The following MPPED1 variants were observed in gnomAD, a reference collection of about 807,000 sequenced individuals.
MPPED1 encodes metallophosphoesterase domain containing 1.
In MPPED1, 16 loss-of-function variants were observed where a neutral mutation model predicts 36.2. The observed-to-expected ratio is 0.44, with a 90% CI of 0.30 to 0.67. MPPED1 has a LOEUF of 0.67. Ranked by LOEUF, MPPED1 falls within the 30% of genes least tolerant of loss-of-function variation. MPPED1 has a pLI of 0.10. For synonymous variants in MPPED1, 199 were observed against 191.3 expected (o/e 1.04, Z -0.33); for missense variants, 307 against 453.4 (o/e 0.68, Z 2.93).
intron 2 of MPPED1, among the ~76,000 whole-genome samples, chr22:43,426,753 C>T (rs1375058119): frequency 6.6e-6 from 1 of 152,224 alleles, no homozygotes; most frequent in African/African-American, 2.4e-5. Flanking sequence ...GGCACTTGCC[C>T]AGGAAAATGC....
Position 43,412,099 on chromosome 22 carries a change from C to T in MPPED1, c.-138C>T, listed in dbSNP as rs1345236741. ...GCCTCCCTCCCGGGAGCCCCTGCCT[C>T]CCTCGGTGCGCGCTGCTGCTCGCAG... On this transcript the variant is annotated 5_prime_UTR_variant, in exon 1 of 7. Transcript: ENST00000443721. The T allele has an allele frequency of 2.3e-5, 23 of 979,504 alleles. No individual in the cohort carries two copies. Among genetic ancestry groups the T allele is most frequent in the African/African-American group, 5.3e-5 (3 of 56,562 alleles). 60.7% of individuals were successfully genotyped at this position (979,504 alleles called of 1,614,324 possible).
chr22:43,451,636 A>G (rs751639369), intron 3 of MPPED1, among the ~76,000 whole-genome samples: 1 of 152,216 alleles, frequency 6.6e-6, no homozygotes, highest in Non-Finnish European at 1.5e-5. Flanking sequence ...CTCTCAAAAT[A>G]GTCACTTTCC....
chr22:43,500,135 AATGGAGGTGGTGGGGGTG>A lies in MPPED1; in HGVS notation c.748+1786_748+1803del, dbSNP rs1569091589. Among the ~76,000 whole-genome samples the A allele has an allele frequency of 3.3e-3, 41 of 12,420 alleles. 10 individuals are homozygous for A. Among genetic ancestry groups the A allele is most frequent in the African/African-American group, 9.5e-3 (40 of 4,214 alleles). The allele number at this position is 12,420 out of a possible 152,430, so 8.1% of individuals were successfully genotyped here. ...TGATGAAGGTGGTGATGGAGGTGGT[AATGGAGGTGGTGGGGGTG>A]GTGGTGGTGATGGTGATGGAGGTGG... On this transcript the variant is annotated intron_variant, in intron 5 of 6. Transcript: ENST00000443721.
chr22:43,505,216 G>T (rs941297816), intron 6 of MPPED1, among the ~76,000 whole-genome samples: 1 of 152,114 alleles, frequency 6.6e-6, no homozygotes, highest in East Asian at 1.9e-4. Flanking sequence ...TGGTGAAGAT[G>T]ATGTCGATGA....
chr22:43,464,586 G>A (rs1263691286), intron 3 of MPPED1, among the ~76,000 whole-genome samples: 1 of 152,096 alleles, frequency 6.6e-6, no homozygotes, highest in Non-Finnish European at 1.5e-5. Flanking sequence ...CCACTTTTGT[G>A]GGGATGAGAG....
At chr22:43,472,858 C>CTTATTT (rs1931423791) in intron 3 of MPPED1, among the ~76,000 whole-genome samples, 5 of 152,282 alleles carry the variant, frequency 3.3e-5, no homozygotes, top group African/African-American at 1.2e-4. Flanking sequence ...GGGCACTGGA[C>CTTATTT]CCTTCTATTT....
At chr22:43,423,272 C>A (rs1366708632) in intron 1 of MPPED1, among the ~76,000 whole-genome samples, 1 of 152,208 alleles carries the variant, frequency 6.6e-6, no homozygotes, top group Non-Finnish European at 1.5e-5. Flanking sequence ...GAGTATGCGG[C>A]GTCCTGAAAC....
chr22:43,424,992 C>A lies in MPPED1; in HGVS notation c.7C>A (p.Arg3Ser), dbSNP rs759429599. 5.1e-5 allele frequency: 82 copies of A among 1,594,360 alleles called. No homozygotes were observed. Among genetic ancestry groups the A allele is most frequent in the Non-Finnish European group, 6.5e-5 (76 of 1,171,802 alleles). ...GGGCGGCCGGCGGAGGTCCATGTGG[C>A]GCTCTAGGTGGGATGCCAGCGTCCT... is the stretch of plus-strand genomic sequence containing the variant. MW[R>S]SRWDASVLKA... Residue 3 changes from arginine to serine, a missense_variant, in exon 2 of 7, where the codon CGC becomes AGC. Transcript: ENST00000443721.
intron 5 of MPPED1, among the ~76,000 whole-genome samples, chr22:43,500,002 CGGT>C (rs1569091456): frequency 0.01 from 29 of 2,848 alleles, no homozygotes; most frequent in African/African-American, 0.016. Context: ...ATGGAGGTGG[CGGT>C]GGTGATGGTG....
intron 3 of MPPED1, among the ~76,000 whole-genome samples, chr22:43,461,033 C>T (rs1930940578): frequency 6.6e-6 from 1 of 152,168 alleles, no homozygotes; most frequent in South Asian, 2.1e-4. Flanking sequence ...GGGGCTAGGG[C>T]TTTCCTCATT....
intron 2 of MPPED1, among the ~76,000 whole-genome samples, chr22:43,433,021 T>C (rs1160478272): frequency 2.0e-5 from 3 of 151,986 alleles, no homozygotes; most frequent in East Asian, 1.9e-4. Context: ...GCCAGGCCAG[T>C]AGCCCAGTAG....
intron 3 of MPPED1, among the ~76,000 whole-genome samples, chr22:43,456,196 G>A (rs1373799866): frequency 6.6e-6 from 1 of 152,268 alleles, no homozygotes. Flanking sequence ...GAAATGGCAA[G>A]AGTGAATGTC....
chr22:43,429,929 G>C (rs996587790), intron 2 of MPPED1, among the ~76,000 whole-genome samples: 1 of 152,182 alleles, frequency 6.6e-6, no homozygotes, highest in South Asian at 2.1e-4. Flanking sequence ...AGGAAGGACA[G>C]GTGTGGGGAT....
Position 43,505,564 on chromosome 22 carries a change from A to G in MPPED1, c.929A>G (p.Gln310Arg), listed in dbSNP as rs1471221655. ...VNASVCTVNY[Q>R]PVNPPIVIDL... ...GCGTCCGTATGCACTGTGAACTACC[A>G]GCCCGTGAACCCGCCCATAGTCATC... The change falls in exon 7 of 7, where the codon CAG becomes CGG. Residue 310 changes from glutamine to arginine, a missense_variant. By Grantham distance (43) the Gln-to-Arg change is conservative. This residue lies in a region of MPPED1 where 132 missense variants were observed against 212.3 expected (regional missense o/e 0.62). Coordinates refer to ENST00000443721, the MANE Select transcript of MPPED1 (RefSeq NM_001044370.2). 3 of 1,612,874 alleles carry G rather than the reference A, an allele frequency of 1.9e-6. No homozygotes were observed. The highest frequency in any genetic ancestry group is 2.5e-6 in the Non-Finnish European group (3 of 1,179,572).
chr22:43,490,621 C>T (rs987992558), intron 4 of MPPED1, among the ~76,000 whole-genome samples: 3 of 152,230 alleles, frequency 2.0e-5, no homozygotes, highest in African/African-American at 7.2e-5. Context: ...CGGGAACCAA[C>T]AGACGTGTTC....
chr22:43,447,883 A>ATATATATATATATATTT (rs1321289636), intron 3 of MPPED1, among the ~76,000 whole-genome samples: 25 of 67,694 alleles, frequency 3.7e-4, no homozygotes, highest in African/African-American at 8.7e-4. Context: ...ATATATATAT[A>ATATATATATATATATTT]TTTTTTTTTT....
In MPPED1 at chr22:43,505,604, C is replaced by G. The variant is rs540641073; in HGVS notation, c.969C>G (p.Pro323=). 6 of 1,610,246 alleles carry G rather than the reference C, an allele frequency of 3.7e-6. No individual in the cohort carries two copies. The highest frequency in any genetic ancestry group is 1.7e-6 in the Non-Finnish European group (2 of 1,178,524). Reference sequence around the variant, plus strand: ...CCATAGTCATCGACCTCCCCACACCCCGGAACTCCTGACTGCTCCCCACTG... The same window carrying G: ...CCATAGTCATCGACCTCCCCACACCGCGGAACTCCTGACTGCTCCCCACTG... ...NPPIVIDLPT[P]RNS is the part of the protein sequence containing the mutation. Residue 323 remains proline (P), a synonymous_variant, in exon 7 of 7, where the codon CCC becomes CCG. Transcript: ENST00000443721.
In MPPED1 at chr22:43,481,076, G is replaced by A. The variant is rs150731863; in HGVS notation, c.632+6115G>A. Among the ~76,000 whole-genome samples the A allele has an allele frequency of 3.5e-4, 54 of 152,250 alleles. No individual in the cohort carries two copies. The East Asian group carries it at 6.9e-3, about 20-fold the overall frequency. ...GACCTCAAGTGATCCACCTGCCTCG[G>A]CCTCCCAGAGTGCTGGGATTATAGG... is the stretch of plus-strand genomic sequence containing the variant. On this transcript the variant is annotated intron_variant, in intron 4 of 6. Transcript: ENST00000443721.
rs995104205 is a variant in MPPED1, at chr22:43,433,679, G to A, written c.225-1355G>A. Among the ~76,000 whole-genome samples, 62 of 152,230 alleles carry A rather than the reference G, an allele frequency of 4.1e-4. 2 individuals are homozygous for A. Among genetic ancestry groups the A allele is most frequent in the Non-Finnish European group, 5.9e-5 (4 of 68,000 alleles). The stretch of plus-strand genomic sequence containing the variant: ...CCTCCGGCTGCGGCGGATGGAGCGC[G>A]CTAGTGCGCCCTGCACATTAGCATG... On this transcript the variant is annotated intron_variant, in intron 2 of 6. Transcript: ENST00000443721.
Sources: gnomAD v4.1 joint callset for allele counts (sites outside exome capture counted in the v4.1 genomes callset) on GRCh38, gnomAD v4.1.1 for gene constraint, gnomAD v4.1.1 regional missense constraint, MANE v1.5 for transcripts, NCBI Gene and HGNC (gene_info 2026-07-23, HGNC 2026-07-21) for gene names.